ZNF280D: variants seen among roughly 807,000 people sequenced by gnomAD.
ZNF280D encodes zinc finger protein 280D, also known as suppressor of hairy wing homolog 4.
Under a neutral mutation model 94.7 loss-of-function variants are expected in ZNF280D, and 39 were observed. That is an observed-to-expected ratio of 0.41 (90% CI 0.32 to 0.54). ZNF280D has a LOEUF of 0.54. ZNF280D is among the 20% of genes least tolerant of loss of function. ZNF280D has a pLI of 0.22. For missense variants in ZNF280D, 1,090 were observed against 1,149.3 expected (o/e 0.95, Z 0.75); for synonymous variants, 398 against 377.6 (o/e 1.05, Z -0.63).
At chr15:56,641,030 T>A (rs1234800688) in intron 20 of ZNF280D, among the ~76,000 whole-genome samples, 3 of 152,116 alleles carry the variant, frequency 2.0e-5, no homozygotes, top group Admixed American at 6.6e-5. Context: ...ATTTTTTATA[T>A]CTCTATACAA....
chr15:56,708,504 G>A (rs1452993726), intron 1 of ZNF280D, among the ~76,000 whole-genome samples: 1 of 152,102 alleles, frequency 6.6e-6, no homozygotes, highest in Non-Finnish European at 1.5e-5. Flanking sequence ...CATATCCTAT[G>A]GACTCATACA....
chr15:56,700,767 G>C, intron 6 of ZNF280D, 166 bp downstream of exon 6: 1 of 1,511,920 alleles, frequency 6.6e-7, no homozygotes, highest in South Asian at 1.3e-5. Context: ...TATTACTTGG[G>C]GTACTGCTTG....
chr15:56,724,531 G>A (rs1204799333), intron 1 of ZNF280D, among the ~76,000 whole-genome samples: 1 of 152,190 alleles, frequency 6.6e-6, no homozygotes, highest in African/African-American at 2.4e-5. Flanking sequence ...GGCTGACGGT[G>A]AAGTGAGGGA....
At chr15:56,692,282 T>C (rs1379259195) in intron 7 of ZNF280D, among the ~76,000 whole-genome samples, 1 of 152,070 alleles carries the variant, frequency 6.6e-6, no homozygotes, top group Non-Finnish European at 1.5e-5. Context: ...TTTAAGTTTA[T>C]AATAAAAGTA....
At position 56,682,486 on chromosome 15, in the gene ZNF280D, GA is replaced by G. The variant is rs760502258; in HGVS notation, c.781-10del. 58,138 of 496,522 alleles carry G rather than the reference GA, an allele frequency of 0.12. 22 individuals carry two copies. Among genetic ancestry groups the G allele is most frequent in the East Asian group, 0.16 (3,358 of 21,520 alleles). 30.8% of individuals were successfully genotyped at this position (496,522 alleles called of 1,614,324 possible). On this transcript the variant is annotated splice_polypyrimidine_tract_variant and intron_variant, in intron 9 of 21. Transcript: ENST00000267807. ...ATGTCTGGACAACAATACTGAAAGA[GA>G]AAAAAAAAAAAAAAAAACAAGCCTT...
chr15:56,716,220 T>G (rs2058035820), intron 1 of ZNF280D, among the ~76,000 whole-genome samples: 1 of 152,004 alleles, frequency 6.6e-6, no homozygotes, highest in African/African-American at 2.4e-5. Flanking sequence ...TCATGAAACT[T>G]GTGGTCTAGA....
chr15:56,692,031 G>C (rs1269034541), intron 7 of ZNF280D, among the ~76,000 whole-genome samples: 3 of 152,070 alleles, frequency 2.0e-5, no homozygotes, highest in Non-Finnish European at 4.4e-5. Flanking sequence ...CACTGAAGTA[G>C]AACACTTATA....
intron 1 of ZNF280D, chr15:56,724,811 T>C (rs2058551839): frequency 6.8e-6 from 3 of 438,028 alleles, no homozygotes; most frequent in Non-Finnish European, 1.4e-5. Context: ...CACTACAATG[T>C]AGTGTCACTG....
In ZNF280D at chr15:56,708,281, CAT is replaced by C. The variant is rs765111355; in HGVS notation, c.-85-977_-85-976del. 5.9e-5 allele frequency among the ~76,000 whole-genome samples: 9 copies of C among 152,148 alleles called. No individual in the cohort carries two copies. In the South Asian group the frequency reaches 6.2e-4, roughly 10 times the overall value. On this transcript the variant is annotated intron_variant, in intron 1 of 21. Coordinates refer to ENST00000267807, the MANE Select transcript of ZNF280D (RefSeq NM_017661.4). ...ATTCAGTTATTCAGAGTTACTATCA[CAT>C]GAGACTCTAGCGAATCTTGTGCTTA... is the stretch of plus-strand genomic sequence containing the variant.
At chr15:56,718,094 G>A (rs148321318) in intron 1 of ZNF280D, among the ~76,000 whole-genome samples, 99 of 151,782 alleles carry the variant, frequency 6.5e-4, no homozygotes, top group African/African-American at 1.8e-3. Flanking sequence ...TGAAAGATAC[G>A]GAAGATTTTT....
chr15:56,678,082 A>G (rs902589436), intron 11 of ZNF280D, among the ~76,000 whole-genome samples: 3 of 146,240 alleles, frequency 2.1e-5, no homozygotes, highest in African/African-American at 7.7e-5. Context: ...ATCTCGGCTT[A>G]CTGCAACCTC....
chr15:56,733,474 C>G lies in ZNF280D; in HGVS notation c.-102G>C. 1 of 1,104,056 alleles carries G rather than the reference C, an allele frequency of 9.1e-7. No homozygotes were observed. Among genetic ancestry groups the G allele is most frequent in the South Asian group, 2.0e-5 (1 of 50,908 alleles). The allele number at this position is 1,104,056 out of a possible 1,614,324, so 68.4% of individuals were successfully genotyped here. On this transcript the variant is annotated 5_prime_UTR_variant, in exon 1 of 22. Coordinates refer to ENST00000267807, the MANE Select transcript of ZNF280D (RefSeq NM_017661.4). ...GGCGCTTACCGTGAGCGGAGCGGAT[C>G]GGCCTGACTGGAGCCCTGAGGAGGA...
At chr15:56,709,778 T>C (rs1170694775) in intron 1 of ZNF280D, among the ~76,000 whole-genome samples, 2 of 152,074 alleles carry the variant, frequency 1.3e-5, no homozygotes, top group African/African-American at 2.4e-5. Context: ...AAACACTACA[T>C]GTTCTCACTC....
chr15:56,675,715 A>T (rs1273790573), intron 13 of ZNF280D, among the ~76,000 whole-genome samples: 1 of 152,022 alleles, frequency 6.6e-6, no homozygotes, highest in Non-Finnish European at 1.5e-5. Context: ...CCAATTAAAA[A>T]CAGCAAGTCA....
chr15:56,702,466 C>T (rs1350461310), intron 4 of ZNF280D, among the ~76,000 whole-genome samples: 1 of 152,060 alleles, frequency 6.6e-6, no homozygotes, highest in Non-Finnish European at 1.5e-5. Flanking sequence ...AAAAGAAATT[C>T]TGTTGGGGTT....
intron 13 of ZNF280D, among the ~76,000 whole-genome samples, chr15:56,676,300 T>C (rs183152252): frequency 3.3e-5 from 5 of 152,142 alleles, no homozygotes; most frequent in African/African-American, 1.2e-4. Flanking sequence ...CTTTTCTTCC[T>C]CAGTTCAAAC....
At chr15:56,652,967 A>T in intron 19 of ZNF280D, 1 of 914,194 alleles carries the variant, frequency 1.1e-6, no homozygotes, top group Non-Finnish European at 1.3e-6. Flanking sequence ...TAGACATCAT[A>T]AAATAGACAT....
intron 1 of ZNF280D, among the ~76,000 whole-genome samples, chr15:56,723,448 GA>G (rs1305442603): frequency 1.3e-5 from 2 of 152,122 alleles, no homozygotes; most frequent in African/African-American, 4.8e-5. Flanking sequence ...AAATATTATG[GA>G]ATTAGTGTTG....
At position 56,661,505 on chromosome 15, in the gene ZNF280D, A is replaced by T. The variant is rs140428158; in HGVS notation, c.1995-3019T>A. On this transcript the variant is annotated intron_variant, in intron 16 of 21. Transcript: ENST00000267807. ...ATAAATTTCTGTAAAATTTATAATGAAGTCAAGCAGACCTTTTTAAAATTC... is the reference window on the plus strand; with the variant it reads ...ATAAATTTCTGTAAAATTTATAATGTAGTCAAGCAGACCTTTTTAAAATTC... Among the ~76,000 whole-genome samples the T allele has an allele frequency of 1.9e-3, 283 of 152,300 alleles. 4 individuals are homozygous for T. Among genetic ancestry groups the T allele is most frequent in the African/African-American group, 6.4e-3 (265 of 41,566 alleles).
Sources: allele counts gnomAD v4.1 joint callset (sites outside exome capture counted in the v4.1 genomes callset), GRCh38; gene constraint gnomAD v4.1.1; transcripts MANE v1.5; gene names NCBI Gene and HGNC (gene_info 2026-07-23, HGNC 2026-07-21).